GRID2: variants seen among roughly 807,000 people sequenced by gnomAD.
GRID2 encodes the protein glutamate receptor ionotropic, delta-2.
GRID2 carries 33 observed loss-of-function variants against 114.8 expected under a neutral mutation model. The observed-to-expected ratio is 0.29, with a 90% confidence interval of 0.22 to 0.38. The LOEUF (loss-of-function observed/expected upper bound fraction) is 0.38. GRID2 is among the 10% of genes least tolerant of loss of function. GRID2 has a pLI of 1.00. For missense variants in GRID2, 1,184 were observed against 1,257.7 expected (o/e 0.94, Z 0.89); for synonymous variants, 505 against 449.9 (o/e 1.12, Z -1.55).
At chr4:93,706,668 A>G (rs1302334744) in intron 14 of GRID2, among the ~76,000 whole-genome samples, 1 of 152,132 alleles carries the variant, frequency 6.6e-6, no homozygotes, top group Non-Finnish European at 1.5e-5. Context: ...AAAAAGGATA[A>G]TTTGATTTCT....
At chr4:93,007,217 A>G (rs1484778520) in intron 2 of GRID2, among the ~76,000 whole-genome samples, 1 of 152,080 alleles carries the variant, frequency 6.6e-6, no homozygotes, top group African/African-American at 2.4e-5. Flanking sequence ...CACAACAGAA[A>G]AAATTATAAA....
intron 13 of GRID2, among the ~76,000 whole-genome samples, chr4:93,519,620 A>G (rs1447622069): frequency 1.3e-5 from 2 of 152,082 alleles, no homozygotes; most frequent in East Asian, 3.9e-4. Context: ...ATCTATTATA[A>G]CTCTTGGGGA....
chr4:93,154,841 C>G (rs954280899), intron 4 of GRID2, among the ~76,000 whole-genome samples: 1 of 151,816 alleles, frequency 6.6e-6, no homozygotes, highest in Non-Finnish European at 1.5e-5. Context: ...TACTCGTATT[C>G]CTTAGGAACC....
intron 2 of GRID2, among the ~76,000 whole-genome samples, chr4:92,881,613 T>C (rs1746018790): frequency 6.6e-6 from 1 of 152,182 alleles, no homozygotes; most frequent in South Asian, 2.1e-4. Context: ...AGTATTGTGA[T>C]TAGAGAAATG....
intron 8 of GRID2, among the ~76,000 whole-genome samples, chr4:93,316,299 A>AAAGAAC (rs1560490448): frequency 1.8e-4 from 22 of 120,794 alleles, no homozygotes; most frequent in Admixed American, 4.8e-4. Context: ...AACGAAAGAA[A>AAAGAAC]GAAAGAAAGA....
chr4:93,724,863 T>G (rs1729703478), intron 14 of GRID2, among the ~76,000 whole-genome samples: 1 of 152,086 alleles, frequency 6.6e-6, no homozygotes, highest in Non-Finnish European at 1.5e-5. Context: ...CACTGCAACC[T>G]CCACCTCCTG....
intron 2 of GRID2, among the ~76,000 whole-genome samples, chr4:92,740,129 C>T (rs1023444702): frequency 2.6e-5 from 4 of 152,056 alleles, no homozygotes; most frequent in African/African-American, 7.2e-5. Context: ...TGCTTTGGAT[C>T]GTGTTTTAGT....
chr4:93,692,003 T>C (rs1220988828), intron 14 of GRID2, among the ~76,000 whole-genome samples: 1 of 152,090 alleles, frequency 6.6e-6, no homozygotes, highest in Non-Finnish European at 1.5e-5. Flanking sequence ...CTTTTACATA[T>C]GCTCAGTATT....
chr4:93,682,583 A>G (rs1364792587), intron 14 of GRID2, among the ~76,000 whole-genome samples: 4 of 152,128 alleles, frequency 2.6e-5, no homozygotes, highest in Non-Finnish European at 5.9e-5. Flanking sequence ...CATATACACC[A>G]TGGAATACTA....
At position 92,919,444 on chromosome 4, in the gene GRID2, A is replaced by G. The variant is rs1403938066; in HGVS notation, c.245-165551A>G. 3.3e-5 allele frequency among the ~76,000 whole-genome samples: 5 copies of G among 152,068 alleles called. 1 individual carries two copies. Among genetic ancestry groups the G allele is most frequent in the Admixed American group, 3.3e-4 (5 of 15,254 alleles). ...CTCTAGTTCTTTTAATTGTGATGTT[A>G]GGGTGTCAATTTTAGATCTTTCCTG... On this transcript the variant is annotated intron_variant, in intron 2 of 15. Coordinates refer to ENST00000282020, the MANE Select transcript of GRID2 (RefSeq NM_001510.4).
At chr4:92,508,203 G>T (rs376297739) in intron 1 of GRID2, among the ~76,000 whole-genome samples, 1 of 151,824 alleles carries the variant, frequency 6.6e-6, no homozygotes, top group Non-Finnish European at 1.5e-5. Context: ...AACAGTTGTT[G>T]TATAAAGTAC....
chr4:92,358,250 G>T (rs1728441559), intron 1 of GRID2, among the ~76,000 whole-genome samples: 1 of 151,960 alleles, frequency 6.6e-6, no homozygotes, highest in East Asian at 1.9e-4. Flanking sequence ...CTTTCATGTT[G>T]TTCACTGGAG....
intron 1 of GRID2, among the ~76,000 whole-genome samples, chr4:92,494,756 A>G (rs530591927): frequency 6.6e-6 from 1 of 152,118 alleles, no homozygotes; most frequent in South Asian, 2.1e-4. Context: ...TTGTATCAGT[A>G]ATATTTCTAA....
At chr4:92,951,573 C>T (rs1359637847) in intron 2 of GRID2, among the ~76,000 whole-genome samples, 1 of 151,988 alleles carries the variant, frequency 6.6e-6, no homozygotes, top group Non-Finnish European at 1.5e-5. Context: ...AAGCGATGCA[C>T]CCTGCTTAGC....
chr4:93,624,765 A>G (rs1294019854), intron 13 of GRID2, among the ~76,000 whole-genome samples: 2 of 152,080 alleles, frequency 1.3e-5, no homozygotes, highest in Non-Finnish European at 2.9e-5. Context: ...GTCCATTTTT[A>G]TATGTGAAAA....
intron 11 of GRID2, among the ~76,000 whole-genome samples, chr4:93,488,919 C>T (rs1449227789): frequency 6.6e-6 from 1 of 151,890 alleles, no homozygotes; most frequent in East Asian, 1.9e-4. Flanking sequence ...ACCTTGATTA[C>T]TTAGTTAAAG....
intron 2 of GRID2, among the ~76,000 whole-genome samples, chr4:92,962,332 C>T (rs1752873429): frequency 6.6e-6 from 1 of 151,774 alleles, no homozygotes; most frequent in Admixed American, 6.6e-5. Flanking sequence ...AATCATAGGT[C>T]TGGTCCTATG....
At chr4:92,439,865 T>C (rs1260961484) in intron 1 of GRID2, among the ~76,000 whole-genome samples, 3 of 145,736 alleles carry the variant, frequency 2.1e-5, no homozygotes, top group African/African-American at 7.3e-5. Context: ...TCAGCTGTGA[T>C]GGCTTGGAGA....
At chr4:92,417,505 CG>C (rs1731672168) in intron 1 of GRID2, among the ~76,000 whole-genome samples, 2 of 152,060 alleles carry the variant, frequency 1.3e-5, no homozygotes, top group East Asian at 3.9e-4. Flanking sequence ...GAGGAACTAA[CG>C]CTCCAGTAGA....
Sources: allele counts gnomAD v4.1 joint callset (sites outside exome capture counted in the v4.1 genomes callset), GRCh38; gene constraint gnomAD v4.1.1; transcripts MANE v1.5; gene names NCBI Gene and HGNC (gene_info 2026-07-23, HGNC 2026-07-21).